ILDR2: variants seen among roughly 807,000 people sequenced by gnomAD.
The protein encoded by ILDR2 is immunoglobulin-like domain-containing receptor 2.
Under a neutral mutation model 66.8 loss-of-function variants are expected in ILDR2, and 25 were observed. The observed-to-expected ratio is 0.37, with a 90% CI of 0.27 to 0.52. The LOEUF (loss-of-function observed/expected upper bound fraction) is 0.52. Ranked by LOEUF, ILDR2 falls within the 20% of genes least tolerant of loss-of-function variation. ILDR2 has a pLI of 0.88. For missense variants in ILDR2, 827 were observed against 876.8 expected, an observed-to-expected ratio of 0.94 and a Z score of 0.72; for synonymous variants, 367 against 357.2, an observed-to-expected ratio of 1.03 and a Z score of -0.31.
Position 166,920,994 on chromosome 1 carries a change from G to T in ILDR2, c.1597C>A (p.Arg533=), listed in dbSNP as rs1309711018. 6.7e-7 allele frequency: 1 copy of T among 1,498,342 alleles called. No individual in the cohort carries two copies. Among genetic ancestry groups the T allele is most frequent in the Non-Finnish European group, 8.8e-7 (1 of 1,135,204 alleles). The allele number at this position is 1,498,342 out of a possible 1,614,324, so 92.8% of individuals were successfully genotyped here. Residue 533 remains arginine, a synonymous_variant, in exon 9 of 10, where the codon CGG becomes AGG. Coordinates refer to ENST00000271417, the MANE Select transcript of ILDR2 (RefSeq NM_199351.3). ...KYDHSYLGSA[R]ERQARPEGAS... ...CCCTCGGGCCGCGCCTGGCGCTCCC[G>T]CGCGCTGCCCAGGTACGAGTGGTCG...
At chr1:166,940,870 G>C (rs956189339) in intron 3 of ILDR2, among the ~76,000 whole-genome samples, 3 of 152,110 alleles carry the variant, frequency 2.0e-5, no homozygotes, top group African/African-American at 7.2e-5. Flanking sequence ...TCATGTGTGT[G>C]GTTCATATTT....
rs1175439853 is a variant in ILDR2 at position 166,935,586 on chromosome 1, G to T, written c.704-109C>A. Reference sequence around the variant, plus strand: ...TCAGGGAGCTCCTGGATGTGTGTATGTGCATGTGTGAGCGTTTGTTCTTCT... The same window carrying T: ...TCAGGGAGCTCCTGGATGTGTGTATTTGCATGTGTGAGCGTTTGTTCTTCT... On this transcript the variant is annotated intron_variant, in intron 5 of 9. Coordinates refer to ENST00000271417, the MANE Select transcript of ILDR2 (RefSeq NM_199351.3). 5.3e-6 allele frequency: 5 copies of T among 935,690 alleles called. No individual in the cohort carries two copies. The African/African-American group carries it at 6.7e-5, about 13-fold the overall frequency. 58.0% of individuals were successfully genotyped at this position (935,690 alleles called of 1,614,324 possible). A position where few individuals can be genotyped will look rare whatever the true frequency, so the allele number is the denominator to read the frequency against.
chr1:166,945,276 A>C (rs187391079), intron 3 of ILDR2, among the ~76,000 whole-genome samples: 31 of 152,248 alleles, frequency 2.0e-4, no homozygotes, highest in African/African-American at 7.2e-4. Flanking sequence ...ATCCCACACC[A>C]AAAAGTTGAA....
Position 166,921,824 on chromosome 1 carries a change from C to T in ILDR2, c.1212-445G>A, listed in dbSNP as rs1659963575. ...TCCCTCAGAGCCAAGGGCCAAGTTA[C>T]CTACTGGGGCAGGAGGGGAGAAGGA... On this transcript the variant is annotated intron_variant, in intron 8 of 9. Transcript: ENST00000271417. The surrounding 1 kb of genome is among the most constrained non-coding windows in gnomAD (Gnocchi z 5.3). 6.6e-6 allele frequency among the ~76,000 whole-genome samples: 1 copy of T among 152,106 alleles called. No homozygotes were observed. Among genetic ancestry groups the T allele is most frequent in the Admixed American group, 6.5e-5 (1 of 15,268 alleles).
At position 166,909,758 on chromosome 1, in the gene ILDR2, T is replaced by TATATATAA. The variant is rs1299440637; in HGVS notation, c.*9596_*9597insTTATATAT. On this transcript the variant is annotated 3_prime_UTR_variant, in exon 10 of 10. Transcript: ENST00000271417. ...ATACATATATATATATATATATATA[T>TATATATAA]AAATATATATAAATATATATATTTA... 3.4e-3 allele frequency: 255 copies of TATATATAA among 74,282 alleles called. 4 individuals are homozygous for TATATATAA. The highest frequency in any genetic ancestry group is 0.017 in the African/African-American group (242 of 14,666). The allele number at this position is 74,282 out of a possible 1,614,324, so 4.6% of individuals were successfully genotyped here.
At chr1:166,939,389 G>A in intron 4 of ILDR2, 125 bp downstream of exon 4, 3 of 772,154 alleles carry the variant, frequency 3.9e-6, no homozygotes, top group Non-Finnish European at 4.5e-6. Flanking sequence ...GTTAATCCTG[G>A]AAAAGATCAG....
In ILDR2 at chr1:166,936,944, G is replaced by A. The variant is rs1661019956; in HGVS notation, c.557-207C>T. Among the ~76,000 whole-genome samples, 5 of 152,238 alleles carry A rather than the reference G, an allele frequency of 3.3e-5. No individual in the cohort carries two copies. In the South Asian group the frequency reaches 1.0e-3, roughly 32 times the overall value. ...CTCAGTCCCGGGGAATGGAGAAGAG[G>A]GAAGAAGGTTATCTATGTTACATTG... is the stretch of plus-strand genomic sequence containing the variant. On this transcript the variant is annotated intron_variant, in intron 4 of 9. Transcript: ENST00000271417. The surrounding 1 kb of genome is among the most constrained non-coding windows in gnomAD (Gnocchi z 5.0).
intron 1 of ILDR2, among the ~76,000 whole-genome samples, chr1:166,972,514 A>T (rs1663369306): frequency 6.6e-6 from 1 of 152,280 alleles, no homozygotes; most frequent in South Asian, 2.1e-4. Context: ...CAACAGCAAC[A>T]ATAACAAAAC....
At chr1:166,902,068 C>G (rs902490748) in intron 2 of ILDR2, among the ~76,000 whole-genome samples, 16 of 152,208 alleles carry the variant, frequency 1.1e-4, no homozygotes, top group African/African-American at 3.9e-4. Flanking sequence ...CCATGTTGGT[C>G]AGGCCGGTCT....
rs1659429109 is a variant in ILDR2 at position 166,909,765 on chromosome 1, A to G, written c.*9590T>C. On this transcript the variant is annotated 3_prime_UTR_variant, in exon 10 of 10. Transcript: ENST00000271417. Reference sequence around the variant, plus strand: ...TATATATATATATATATATAAATATATATAAATATATATATTTATATATAT... The same window carrying G: ...TATATATATATATATATATAAATATGTATAAATATATATATTTATATATAT... 1 of 69,488 alleles carries G rather than the reference A, an allele frequency of 1.4e-5. No individual in the cohort carries two copies. Among genetic ancestry groups the G allele is most frequent in the South Asian group, 5.5e-4 (1 of 1,802 alleles). 4.3% of individuals were successfully genotyped at this position (69,488 alleles called of 1,614,324 possible).
intron 1 of ILDR2, among the ~76,000 whole-genome samples, chr1:166,969,218 G>A (rs1663136467): frequency 6.6e-6 from 1 of 152,150 alleles, no homozygotes; most frequent in Non-Finnish European, 1.5e-5. Context: ...GGTGAGGCAA[G>A]GGCATGGAAG....
chr1:166,971,472 T>C (rs1310590373), intron 1 of ILDR2, among the ~76,000 whole-genome samples: 1 of 152,146 alleles, frequency 6.6e-6, no homozygotes, highest in African/African-American at 2.4e-5. Context: ...TTTTTGGTTT[T>C]TGTTTTGAGA....
In ILDR2 at chr1:166,936,928, G is replaced by A. The variant is rs367792740; in HGVS notation, c.557-191C>T. On this transcript the variant is annotated intron_variant, in intron 4 of 9. Coordinates refer to ENST00000271417, the MANE Select transcript of ILDR2 (RefSeq NM_199351.3). The surrounding 1 kb of genome is among the most constrained non-coding windows in gnomAD (Gnocchi z 5.0). ...GTCAGGAGTGCAGACCCTCAGTCCC[G>A]GGGAATGGAGAAGAGGGAAGAAGGT... Among the ~76,000 whole-genome samples, 20 of 152,228 alleles carry A rather than the reference G, an allele frequency of 1.3e-4. No homozygotes were observed. Among genetic ancestry groups the A allele is most frequent in the African/African-American group, 4.1e-4 (17 of 41,510 alleles).
intron 1 of ILDR2, among the ~76,000 whole-genome samples, chr1:166,970,251 T>C (rs1195461830): frequency 1.3e-5 from 2 of 152,204 alleles, no homozygotes; most frequent in African/African-American, 4.8e-5. Flanking sequence ...CAGCTCCATT[T>C]GTTCTTCTGA....
At chr1:166,903,342 G>A (rs750964172), downstream of ILDR2, among the ~76,000 whole-genome samples, 4 of 152,240 alleles carry the variant, frequency 2.6e-5, no homozygotes, top group Non-Finnish European at 4.4e-5. Flanking sequence ...TTGGGAGCCA[G>A]GTTCCTCCCA....
intron 1 of ILDR2, among the ~76,000 whole-genome samples, chr1:166,964,896 T>C: frequency 6.6e-6 from 1 of 152,240 alleles, no homozygotes; most frequent in South Asian, 2.1e-4. Context: ...CTTTCATTTT[T>C]TTCAAAGCAA....
At chr1:166,939,420 C>T in intron 4 of ILDR2, 94 bp downstream of exon 4, 1 of 1,010,816 alleles carries the variant, frequency 9.9e-7, no homozygotes, top group Non-Finnish European at 1.6e-6. Context: ...ACAAATGTGG[C>T]AATAAAGTAA....
At chr1:166,939,242 C>CT in intron 4 of ILDR2, among the ~76,000 whole-genome samples, 1 of 152,052 alleles carries the variant, frequency 6.6e-6, no homozygotes, top group Non-Finnish European at 1.5e-5. Flanking sequence ...CTGAAATGGG[C>CT]ATGGAGATTG....
At chr1:166,932,470 A>G (rs1350205641) in intron 6 of ILDR2, among the ~76,000 whole-genome samples, 2 of 152,250 alleles carry the variant, frequency 1.3e-5, no homozygotes, top group Non-Finnish European at 2.9e-5. Flanking sequence ...ACTTTAGCAT[A>G]TTTTGAATGC....
Sources: gnomAD v4.1 joint callset for allele counts (sites outside exome capture counted in the v4.1 genomes callset) on GRCh38, gnomAD v4.1.1 for gene constraint, Gnocchi (gnomAD v3.1) non-coding constraint, MANE v1.5 for transcripts, NCBI Gene and HGNC (gene_info 2026-07-23, HGNC 2026-07-21) for gene names.